The following HMCN1 variants were observed in gnomAD, a reference collection of about 807,000 sequenced individuals.
HMCN1 encodes the protein hemicentin 1.
HMCN1 carries 321 observed loss-of-function variants against 625.9 expected under a neutral mutation model. The observed-to-expected ratio is 0.51, with a 90% CI of 0.47 to 0.56. HMCN1 has a LOEUF of 0.56. HMCN1 is among the 20% of genes least tolerant of loss of function. The pLI, the probability that HMCN1 is intolerant of heterozygous loss-of-function variation, is 0.00. For missense variants in HMCN1, 6,588 were observed against 6,887.3 expected, an observed-to-expected ratio of 0.96 and a Z score of 1.54; for synonymous variants, 2,425 against 2,417.6, an observed-to-expected ratio of 1.00 and a Z score of -0.09.
In HMCN1 at chr1:186,131,926, C is replaced by A. The variant is rs545741094; in HGVS notation, c.13231-402C>A. Among the ~76,000 whole-genome samples, 11 of 152,230 alleles carry A rather than the reference C, an allele frequency of 7.2e-5. No individual in the cohort carries two copies. In the East Asian group the frequency reaches 1.4e-3, roughly 19 times the overall value. On this transcript the variant is annotated intron_variant, in intron 85 of 106. Transcript: ENST00000271588. ...TTAATAATCCCCATTAGAAAGGACT[C>A]AGTATTTGTTAATTTGTCCTGATTA...
At chr1:185,876,207 C>T (rs940263682) in intron 4 of HMCN1, among the ~76,000 whole-genome samples, 1 of 151,978 alleles carries the variant, frequency 6.6e-6, no homozygotes, top group African/African-American at 2.4e-5. Context: ...AGATAATGGC[C>T]TCCAGCTCCC....
chr1:185,827,622 A>G (rs1056769755), intron 1 of HMCN1, among the ~76,000 whole-genome samples: 3 of 152,176 alleles, frequency 2.0e-5, no homozygotes, highest in Non-Finnish European at 4.4e-5. Context: ...AGGTAGCTAT[A>G]GAAGACAGGC....
chr1:185,743,542 A>G (rs955188398), intron 1 of HMCN1, among the ~76,000 whole-genome samples: 1 of 152,160 alleles, frequency 6.6e-6, no homozygotes, highest in Admixed American at 6.5e-5. Flanking sequence ...TTTTAACTGG[A>G]TTGGCTGAAG....
At chr1:185,911,854 T>A in intron 6 of HMCN1, 74 bp downstream of exon 6, 2 of 1,121,568 alleles carry the variant, frequency 1.8e-6, no homozygotes, top group Non-Finnish European at 2.7e-6. Flanking sequence ...TACACAATGG[T>A]TTTTTTAAAC....
chr1:186,015,345 C>T lies in HMCN1; in HGVS notation c.4817C>T (p.Pro1606Leu). ...YIDKGQYLHI[P>L]RAQVSDSATY... The stretch of plus-strand genomic sequence containing the variant: ...GATAAAGGACAATATCTTCATATTC[C>T]TCGAGCACAGGTCTCTGATTCAGCA... The change falls in exon 31 of 107, where the codon CCT (proline) becomes CTT (leucine). Residue 1606 changes from proline (P) to leucine (L), a missense_variant. By Grantham distance (98) the Pro-to-Leu change is moderately conservative. Transcript: ENST00000271588. 6.2e-7 allele frequency: 1 copy of T among 1,613,720 alleles called. No homozygotes were observed. The highest frequency in any genetic ancestry group is 1.1e-5 in the South Asian group (1 of 91,076).
At chr1:186,117,176 A>G in intron 76 of HMCN1, 61 bp downstream of exon 76, 1 of 1,599,464 alleles carries the variant, frequency 6.3e-7, no homozygotes, top group Non-Finnish European at 8.5e-7. Flanking sequence ...TTATTCTACT[A>G]CTTTACAAAA....
chr1:186,172,039 C>A lies in HMCN1; in HGVS notation c.15722C>A (p.Pro5241Gln). 6.2e-7 allele frequency: 1 copy of A among 1,613,440 alleles called. No individual in the cohort carries two copies. Among genetic ancestry groups the A allele is most frequent in the Non-Finnish European group, 8.5e-7 (1 of 1,179,560 alleles). ...VNECRQNVCR[P>Q]DQHCKNTRGG... ...GAGTGTAGACAAAATGTATGCAGAC[C>A]AGATCAGCACTGTAAGAACACCCGT... Residue 5241 changes from proline (P) to glutamine (Q), a missense_variant, in exon 102 of 107, where the codon CCA becomes CAA. Transcript: ENST00000271588.
At chr1:186,004,264 C>T (rs1653397816) in intron 29 of HMCN1, among the ~76,000 whole-genome samples, 1 of 152,160 alleles carries the variant, frequency 6.6e-6, no homozygotes, top group African/African-American at 2.4e-5. Context: ...ATTTCTCCAA[C>T]TCCAGATCTC....
chr1:186,013,412 G>A (rs539671175), intron 30 of HMCN1, among the ~76,000 whole-genome samples: 3 of 152,210 alleles, frequency 2.0e-5, no homozygotes, highest in East Asian at 3.9e-4. Flanking sequence ...TTCTATCGTC[G>A]AATTCACCTC....
chr1:186,024,159 G>A (rs1157421279), intron 36 of HMCN1, among the ~76,000 whole-genome samples: 10 of 152,092 alleles, frequency 6.6e-5, no homozygotes, highest in Admixed American at 6.6e-4. Context: ...TAAACCATGT[G>A]GGTCTTTATT....
chr1:186,078,222 T>C lies in HMCN1; in HGVS notation c.8599+2T>C. 1.9e-6 allele frequency: 3 copies of C among 1,593,282 alleles called. No homozygotes were observed. Among genetic ancestry groups the C allele is most frequent in the Non-Finnish European group, 2.6e-6 (3 of 1,161,696 alleles). ...TTCAATATGATGTCCGTGTACTCGG[T>C]GAGTTTTTCTTTTGTTTATTGTTCA... is the stretch of plus-strand genomic sequence containing the variant. On this transcript the variant is annotated splice_donor_variant, in intron 55 of 106. Transcript: ENST00000271588. LOFTEE classifies it high-confidence loss of function.
chr1:185,960,124 CTTTTT>C (rs1167408279), intron 11 of HMCN1, among the ~76,000 whole-genome samples: 1 of 108,924 alleles, frequency 9.2e-6, no homozygotes, highest in Non-Finnish European at 1.9e-5. Flanking sequence ...CAGGAATATT[CTTTTT>C]TTTTTTTTTT....
chr1:185,918,358 T>C (rs771065491), intron 6 of HMCN1, among the ~76,000 whole-genome samples: 10 of 152,144 alleles, frequency 6.6e-5, no homozygotes, highest in Non-Finnish European at 1.2e-4. Flanking sequence ...GGGAGAAAGA[T>C]GAAATCCAGA....
At chr1:185,878,409 T>C (rs1357376977) in intron 4 of HMCN1, among the ~76,000 whole-genome samples, 1 of 152,224 alleles carries the variant, frequency 6.6e-6, no homozygotes, top group Non-Finnish European at 1.5e-5. Flanking sequence ...TTTTGAGGTA[T>C]GTTCCTTTGA....
intron 4 of HMCN1, among the ~76,000 whole-genome samples, chr1:185,905,904 C>T (rs1666073064): frequency 6.6e-6 from 1 of 151,698 alleles, no homozygotes; most frequent in Non-Finnish European, 1.5e-5. Context: ...CTCAGAGGCC[C>T]TTTGTAGATA....
At position 186,015,238 on chromosome 1, in the gene HMCN1, A is replaced by G. The variant is rs1654281033; in HGVS notation, c.4710A>G (p.Glu1570=). The G allele has an allele frequency of 2.5e-6, 4 of 1,613,756 alleles. No individual in the cohort carries two copies. Among genetic ancestry groups the G allele is most frequent in the Non-Finnish European group, 2.5e-6 (3 of 1,179,782 alleles). ...ACAGCCTTATTAAACTGGAATGTGA[A>G]ACACGGGGACTTCCAATGCCTGCCA... The part of the protein sequence containing the change: ...LINSLIKLEC[E]TRGLPMPAIT... Residue 1570 remains glutamate (E), a synonymous_variant, in exon 31 of 107, where the codon GAA becomes GAG. Coordinates refer to ENST00000271588, the MANE Select transcript of HMCN1 (RefSeq NM_031935.3).
intron 1 of HMCN1, among the ~76,000 whole-genome samples, chr1:185,814,766 A>G (rs1210893959): frequency 6.7e-6 from 1 of 149,000 alleles, no homozygotes; most frequent in Non-Finnish European, 1.5e-5. Context: ...ATCTCAGCTC[A>G]CTGCAACTTC....
chr1:186,173,316 C>A (rs578201025), intron 102 of HMCN1, among the ~76,000 whole-genome samples: 5 of 151,936 alleles, frequency 3.3e-5, no homozygotes, highest in African/African-American at 4.8e-5. Flanking sequence ...TTTAAAAAAA[C>A]AACAACTGGT....
chr1:185,952,080 G>A (rs77484174), intron 11 of HMCN1, among the ~76,000 whole-genome samples: 7,696 of 151,864 alleles, frequency 0.051, 563 homozygotes, highest in African/African-American at 0.14. Flanking sequence ...GCTGCCAAAC[G>A]AGCCATGAAC....
Sources: gnomAD v4.1 joint callset for allele counts (sites outside exome capture counted in the v4.1 genomes callset) on GRCh38, gnomAD v4.1.1 for gene constraint, MANE v1.5 for transcripts, NCBI Gene and HGNC (gene_info 2026-07-23, HGNC 2026-07-21) for gene names.